The following EHF variants were observed in gnomAD, a reference collection of about 807,000 sequenced individuals.
The protein encoded by EHF is ESE3 transcription factor.
In EHF, 14 loss-of-function variants were observed where a neutral mutation model predicts 45.1. The observed-to-expected ratio is 0.31, with a 90% confidence interval of 0.21 to 0.49. The LOEUF is 0.49. Ranked by LOEUF, EHF falls within the 20% of genes least tolerant of loss-of-function variation. The pLI, the probability that EHF is intolerant of heterozygous loss-of-function variation, is 0.99. For missense variants in EHF, 282 were observed against 371.4 expected, an observed-to-expected ratio of 0.76 and a Z score of 1.98; for synonymous variants, 136 against 131.8, an observed-to-expected ratio of 1.03 and a Z score of -0.22.
At chr11:34,636,448 C>T (rs1361413544) in intron 1 of EHF, among the ~76,000 whole-genome samples, 2 of 152,320 alleles carry the variant, frequency 1.3e-5, no homozygotes, top group Middle Eastern at 3.4e-3. Context: ...CCAGTGCCAG[C>T]CAACACAGTT....
intron 1 of EHF, chr11:34,624,132 C>A (rs1299791701): frequency 3.1e-5 from 8 of 255,168 alleles, no homozygotes; most frequent in Non-Finnish European, 4.9e-5. Flanking sequence ...ATTTTGCTGC[C>A]GTTTCAGCCC....
chr11:34,654,888 A>C (rs939730011), intron 6 of EHF, among the ~76,000 whole-genome samples: 7 of 152,180 alleles, frequency 4.6e-5, no homozygotes, highest in Non-Finnish European at 1.0e-4. Flanking sequence ...CTGGCTCTGA[A>C]ATAATGGCCC....
At chr11:34,622,261 T>A in intron 1 of EHF, 3 of 295,436 alleles carry the variant, frequency 1.0e-5, no homozygotes, top group South Asian at 3.6e-5. Flanking sequence ...GAGTGTGTGT[T>A]TTTAAGATGG....
chr11:34,653,923 C>G (rs994459908), intron 6 of EHF, among the ~76,000 whole-genome samples: 4 of 152,182 alleles, frequency 2.6e-5, no homozygotes, highest in African/African-American at 7.2e-5. Context: ...GTTTTGATTT[C>G]TCTGTCATCT....
chr11:34,635,701 C>CTT lies in EHF; in HGVS notation c.-3-6910_-3-6909dup, dbSNP rs11381442. Among the ~76,000 whole-genome samples the CTT allele has an allele frequency of 9.7e-3, 1,199 of 124,072 alleles. 41 individuals are homozygous for CTT. Among genetic ancestry groups the CTT allele is most frequent in the African/African-American group, 0.028 (905 of 32,450 alleles). 81.4% of individuals were successfully genotyped at this position (124,072 alleles called of 152,430 possible). ...TTTTAGACATGCTGCTCTTCCTGGT[C>CTT]TTTTTTTTTTTTTTTTTTGCACCTC... On this transcript the variant is annotated intron_variant, in intron 1 of 8. Transcript: ENST00000257831.
chr11:34,642,290 T>TAAA (rs1420429335), intron 1 of EHF: 10 of 164,922 alleles, frequency 6.1e-5, no homozygotes, highest in South Asian at 1.5e-4. Flanking sequence ...TTCACTTTTG[T>TAAA]AAAAAAAAAA....
At chr11:34,642,767 T>C (rs1854135029) in intron 2 of EHF, 40 bp downstream of exon 2, 1 of 1,438,734 alleles carries the variant, frequency 7.0e-7, no homozygotes, top group African/African-American at 1.4e-5. Flanking sequence ...TGCTGTGCTG[T>C]GTGGGCTCTT....
rs1855884641 is a variant in EHF at position 34,658,616 on chromosome 11, G to A, written c.691G>A (p.Asp231Asn). ...DKNPGLIKWE[D>N]RSEGVFRFLK... Reference sequence around the variant, plus strand: ...GAACCCAGGATTAATAAAATGGGAAGACCGATCTGAGGGCGTCTTCAGGTT... The same window carrying A: ...GAACCCAGGATTAATAAAATGGGAAAACCGATCTGAGGGCGTCTTCAGGTT... Residue 231 changes from aspartate (D) to asparagine (N), a missense_variant, in exon 8 of 9, where the codon GAC (aspartate) becomes AAC (asparagine). Physicochemically the swap from Asp to Asn is conservative, Grantham distance 23. This residue lies in a region of EHF where 41 missense variants were observed against 87.0 expected (regional missense o/e 0.47). Transcript: ENST00000257831. 1 of 1,613,738 alleles carries A rather than the reference G, an allele frequency of 6.2e-7. No individual in the cohort carries two copies. Among genetic ancestry groups the A allele is most frequent in the East Asian group, 2.2e-5 (1 of 44,864 alleles).
chr11:34,625,348 C>T (rs1387043220), intron 1 of EHF, among the ~76,000 whole-genome samples: 1 of 152,206 alleles, frequency 6.6e-6, no homozygotes, highest in African/African-American at 2.4e-5. Context: ...ACAGCCTATG[C>T]ACAGGGGCAG....
chr11:34,642,799 C>A (rs1854139730), intron 2 of EHF, 72 bp downstream of exon 2: 2 of 1,131,890 alleles, frequency 1.8e-6, no homozygotes, highest in African/African-American at 1.5e-5. Context: ...CTCTCACAAC[C>A]TAATGTTTGA....
chr11:34,635,523 C>T (rs1183122108), intron 1 of EHF, among the ~76,000 whole-genome samples: 1 of 143,574 alleles, frequency 7.0e-6, no homozygotes, highest in Non-Finnish European at 1.5e-5. Flanking sequence ...GCGATCTCAG[C>T]TCACTGCAAC....
chr11:34,651,885 C>T (rs1855206586), intron 6 of EHF, 80 bp downstream of exon 6: 1 of 1,366,422 alleles, frequency 7.3e-7, no homozygotes, highest in Admixed American at 2.0e-5. Flanking sequence ...CTCTACATTT[C>T]TGCCTTTCTG....
At chr11:34,651,507 G>A (rs772850490) in intron 4 of EHF, 35 bp from the exon 5 acceptor site, 1 of 1,443,544 alleles carries the variant, frequency 6.9e-7, no homozygotes, top group Non-Finnish European at 9.6e-7. Flanking sequence ...GGGGAAAAGA[G>A]ATCGCTGACT....
chr11:34,625,592 G>A (rs984717506), intron 1 of EHF, among the ~76,000 whole-genome samples: 2 of 152,208 alleles, frequency 1.3e-5, no homozygotes, highest in East Asian at 1.9e-4. Context: ...CCCAGAAAGC[G>A]TCAACCTTGT....
chr11:34,639,708 C>G (rs1030467179), intron 1 of EHF, among the ~76,000 whole-genome samples: 1 of 152,238 alleles, frequency 6.6e-6, no homozygotes, highest in Non-Finnish European at 1.5e-5. Context: ...TTAAGCCACA[C>G]AAACTCTTTT....
rs901438754 is a variant in EHF at position 34,660,580 on chromosome 11, C to G, written c.*1649C>G. ...TTGTTCTGGGGGTCCTGGAGACTTACCATTGAGCCATGCAATCTGGGAAGC... is the reference window on the plus strand; with the variant it reads ...TTGTTCTGGGGGTCCTGGAGACTTAGCATTGAGCCATGCAATCTGGGAAGC... On this transcript the variant is annotated 3_prime_UTR_variant, in exon 9 of 9. Transcript: ENST00000257831. 2.0e-5 allele frequency: 3 copies of G among 152,154 alleles called. No homozygotes were observed. The highest frequency in any genetic ancestry group is 4.4e-5 in the Non-Finnish European group (3 of 68,018). The allele number at this position is 152,154 out of a possible 1,614,324, so 9.4% of individuals were successfully genotyped here.
chr11:34,625,274 C>T (rs1218686655), intron 1 of EHF, among the ~76,000 whole-genome samples: 4 of 152,170 alleles, frequency 2.6e-5, no homozygotes, highest in African/African-American at 9.7e-5. Context: ...CAATTTGCCT[C>T]ATGTGTCTCA....
chr11:34,651,996 C>G (rs1424611867), intron 6 of EHF, among the ~76,000 whole-genome samples, 191 bp downstream of exon 6: 3 of 152,152 alleles, frequency 2.0e-5, no homozygotes, highest in Non-Finnish European at 2.9e-5. Flanking sequence ...CCGTAGGGAT[C>G]CTCTAGGCAA....
chr11:34,652,668 G>A (rs1855285243), intron 6 of EHF, among the ~76,000 whole-genome samples: 1 of 152,078 alleles, frequency 6.6e-6, no homozygotes, highest in East Asian at 1.9e-4. Flanking sequence ...ATTAAATTTG[G>A]AGCAACTTCA....
Sources: allele counts gnomAD v4.1 joint callset (sites outside exome capture counted in the v4.1 genomes callset), GRCh38; gene constraint gnomAD v4.1.1; regional missense constraint gnomAD v4.1.1; transcripts MANE v1.5; gene names NCBI Gene and HGNC (gene_info 2026-07-23, HGNC 2026-07-21).